The following IVNS1ABP variants were observed in gnomAD, a reference collection of about 807,000 sequenced individuals.
The protein encoded by IVNS1ABP is influenza virus NS1A-binding protein.
IVNS1ABP carries 25 observed loss-of-function variants against 78.9 expected under a neutral mutation model. That is an observed-to-expected ratio of 0.32 (90% confidence interval 0.23 to 0.44). The LOEUF (loss-of-function observed/expected upper bound fraction) is 0.44, where lower values mean the gene tolerates loss of function less well. Among genes scored for constraint, IVNS1ABP ranks in the 20% least tolerant of loss-of-function variants. The probability of loss-of-function intolerance (pLI) is 1.00; values close to 1 mark genes in which losing one functional copy is unlikely to be tolerated. For missense variants in IVNS1ABP, 494 were observed against 768.9 expected, an observed-to-expected ratio of 0.64 and a Z score of 4.23; for synonymous variants, 241 against 259.7, an observed-to-expected ratio of 0.93 and a Z score of 0.69.
Position 185,297,414 on chromosome 1 carries a change from A to G in IVNS1ABP, c.*621T>C, listed in dbSNP as rs1038408085. 3.3e-5 allele frequency: 5 copies of G among 152,462 alleles called. No individual in the cohort carries two copies. In the East Asian group the frequency reaches 9.6e-4, roughly 29 times the overall value. The allele number at this position is 152,462 out of a possible 1,614,324, so 9.4% of individuals were successfully genotyped here. On this transcript the variant is annotated 3_prime_UTR_variant, in exon 15 of 15. Coordinates refer to ENST00000367498, the MANE Select transcript of IVNS1ABP (RefSeq NM_006469.5). ...TTAAAAGACAGACCCCTACTCTGCA[A>G]ACTGAAGACTGCCACTCTGCTTCAA...
At chr1:185,314,487 T>C (rs1220009410) in intron 1 of IVNS1ABP, among the ~76,000 whole-genome samples, 1 of 152,210 alleles carries the variant, frequency 6.6e-6, no homozygotes, top group Non-Finnish European at 1.5e-5. Flanking sequence ...ACTGCAGCTA[T>C]TTCAGTTTCA....
intron 8 of IVNS1ABP, 196 bp from the exon 9 acceptor site, chr1:185,301,759 C>T (rs1665606696): frequency 2.0e-6 from 1 of 490,420 alleles, no homozygotes; most frequent in Admixed American, 3.5e-5. Flanking sequence ...AATGATGAGA[C>T]AACTACGCCT....
rs1008650394 is a variant in IVNS1ABP, at chr1:185,305,110, T to C, written c.765+426A>G. Among the ~76,000 whole-genome samples, 2 of 152,184 alleles carry C rather than the reference T, an allele frequency of 1.3e-5. No individual in the cohort carries two copies. The highest frequency in any genetic ancestry group is 2.9e-5 in the Non-Finnish European group (2 of 68,028). On this transcript the variant is annotated intron_variant, in intron 8 of 14. Transcript: ENST00000367498. This position sits in a 1 kb window ranked among gnomAD's most constrained non-coding sequence, Gnocchi z 4.0. ...TGTATAGTCCATCTTAACTATACCA[T>C]TTCTAATTTCCAGTAAGACAGCTCA...
rs200327685 is a variant in IVNS1ABP at position 185,305,677 on chromosome 1, C to T, written c.658-34G>A. On this transcript the variant is annotated intron_variant, in intron 7 of 14. Transcript: ENST00000367498. This position sits in a 1 kb window ranked among gnomAD's most constrained non-coding sequence, Gnocchi z 4.0. ...CAGCAACAGAACACCCATGTGGCTA[C>T]GGTCACCATGGCTACTCCACTAGTA... 3.8e-5 allele frequency: 62 copies of T among 1,610,638 alleles called. No homozygotes were observed. The highest frequency in any genetic ancestry group is 2.2e-4 in the East Asian group (10 of 44,812).
rs749873431 is a variant in IVNS1ABP at position 185,306,942 on chromosome 1, GA to G, written c.657+71del. 6.6e-6 allele frequency: 10 copies of G among 1,515,904 alleles called. No individual in the cohort carries two copies. In the South Asian group the frequency reaches 1.1e-4, roughly 17 times the overall value. The allele number at this position is 1,515,904 out of a possible 1,614,324, so 93.9% of individuals were successfully genotyped here. On this transcript the variant is annotated intron_variant, in intron 7 of 14. Coordinates refer to ENST00000367498, the MANE Select transcript of IVNS1ABP (RefSeq NM_006469.5). ...AGGGTCATGGTTATAAAATAAAAGT[GA>G]AAGGGAATCCTTCATGTTATAGCAA...
At chr1:185,312,147 T>A (rs1665906244) in intron 1 of IVNS1ABP, among the ~76,000 whole-genome samples, 1 of 152,226 alleles carries the variant, frequency 6.6e-6, no homozygotes. Context: ...CTGATGCCTG[T>A]GCTTTGTATA....
chr1:185,315,969 C>G (rs1279393342), intron 1 of IVNS1ABP, among the ~76,000 whole-genome samples: 2 of 152,150 alleles, frequency 1.3e-5, no homozygotes, highest in Non-Finnish European at 2.9e-5. Flanking sequence ...GAAATGTCAG[C>G]TGTCTCAAAC....
intron 1 of IVNS1ABP, among the ~76,000 whole-genome samples, chr1:185,314,625 A>G (rs1665967310): frequency 1.3e-5 from 2 of 152,210 alleles, no homozygotes; most frequent in Admixed American, 1.3e-4. Flanking sequence ...AGCATAGGGC[A>G]TCCTAGCAGA....
intron 8 of IVNS1ABP, among the ~76,000 whole-genome samples, chr1:185,303,661 C>T (rs888019943): frequency 3.3e-5 from 5 of 151,930 alleles, no homozygotes; most frequent in Non-Finnish European, 7.4e-5. Context: ...AAAATCTATC[C>T]TTTCTCCTTC....
chr1:185,306,874 G>GTT lies in IVNS1ABP; in HGVS notation c.657+138_657+139dup, dbSNP rs1052106453. 2.7e-5 allele frequency: 25 copies of GTT among 912,626 alleles called. No individual in the cohort carries two copies. In the African/African-American group the frequency reaches 3.5e-4, roughly 13 times the overall value. The allele number at this position is 912,626 out of a possible 1,614,324, so 56.5% of individuals were successfully genotyped here. The stretch of plus-strand genomic sequence containing the variant: ...TTCAGCTCACCTGGACACCCCCCCT[G>GTT]TTTCTCAGCTTAGGGGTACCTATAG... On this transcript the variant is annotated intron_variant, in intron 7 of 14. Coordinates refer to ENST00000367498, the MANE Select transcript of IVNS1ABP (RefSeq NM_006469.5).
intron 1 of IVNS1ABP, among the ~76,000 whole-genome samples, chr1:185,316,090 G>A (rs1238101585): frequency 6.6e-6 from 1 of 152,218 alleles, no homozygotes; most frequent in African/African-American, 2.4e-5. Context: ...ATCATCAAGA[G>A]CTTATAATCA....
Position 185,302,191 on chromosome 1 carries a change from A to G in IVNS1ABP, c.766-628T>C, listed in dbSNP as rs1275123948. 6.6e-5 allele frequency among the ~76,000 whole-genome samples: 10 copies of G among 152,170 alleles called. No individual in the cohort carries two copies. The East Asian group carries it at 1.9e-3, about 29-fold the overall frequency. On this transcript the variant is annotated intron_variant, in intron 8 of 14. Transcript: ENST00000367498. The stretch of plus-strand genomic sequence containing the variant: ...ACAAGAAAATAGTAATCAGAAATGA[A>G]ACATTACTAAAAACAACCAAATATT...
At chr1:185,299,537 A>G (rs771646368) in intron 14 of IVNS1ABP, 173 bp downstream of exon 14, 1 of 661,968 alleles carries the variant, frequency 1.5e-6, no homozygotes, top group Non-Finnish European at 2.6e-6. Flanking sequence ...TAAGTCTTTG[A>G]TTAGAAAATA....
At chr1:185,316,815 C>T (rs1338643009) in intron 1 of IVNS1ABP, 138 bp downstream of exon 1, 2 of 392,436 alleles carry the variant, frequency 5.1e-6, no homozygotes, top group Non-Finnish European at 9.0e-6. Context: ...GCGGCGGCCG[C>T]TTGGGGCTGC....
In IVNS1ABP at chr1:185,297,232, C is replaced by A. The variant is rs1458233299; in HGVS notation, c.*803G>T. 1 of 151,856 alleles carries A rather than the reference C, an allele frequency of 6.6e-6. No homozygotes were observed. The highest frequency in any genetic ancestry group is 1.5e-5 in the Non-Finnish European group (1 of 67,944). The allele number at this position is 151,856 out of a possible 1,614,324, so 9.4% of individuals were successfully genotyped here. A position where few individuals can be genotyped will look rare whatever the true frequency, so the allele number is the denominator to read the frequency against. ...TAATGTCTTGCTATATAAAACATAC[C>A]CTCAACAAGTCAAAATATTTAAAAC... On this transcript the variant is annotated 3_prime_UTR_variant, in exon 15 of 15. Coordinates refer to ENST00000367498, the MANE Select transcript of IVNS1ABP (RefSeq NM_006469.5).
intron 3 of IVNS1ABP, 52 bp downstream of exon 3, chr1:185,309,331 A>G (rs927925092): frequency 7.5e-7 from 1 of 1,336,012 alleles, no homozygotes. Context: ...CTAAGAACTT[A>G]TGGCTTTTAG....
intron 6 of IVNS1ABP, 72 bp from the exon 7 acceptor site, chr1:185,307,211 A>T: frequency 6.4e-7 from 1 of 1,552,946 alleles, no homozygotes; most frequent in Non-Finnish European, 8.8e-7. Flanking sequence ...CCAATTTCAT[A>T]ATAAAGTTGT....
At position 185,298,447 on chromosome 1, in the gene IVNS1ABP, C is replaced by T; in HGVS notation, c.1676-159G>A. 1.5e-6 allele frequency: 1 copy of T among 668,038 alleles called. No homozygotes were observed. The highest frequency in any genetic ancestry group is 2.5e-6 in the Non-Finnish European group (1 of 402,866). 41.4% of individuals were successfully genotyped at this position (668,038 alleles called of 1,614,324 possible). On this transcript the variant is annotated intron_variant, in intron 14 of 14. Coordinates refer to ENST00000367498, the MANE Select transcript of IVNS1ABP (RefSeq NM_006469.5). This position sits in a 1 kb window ranked among gnomAD's most constrained non-coding sequence, Gnocchi z 4.1. ...TATTAAATGCCTAATATGACAAATA[C>T]TCTCTAAGAGCTGGGAATCAAATCA...
At chr1:185,299,475 A>C (rs1665508993) in intron 14 of IVNS1ABP, 1 of 522,400 alleles carries the variant, frequency 1.9e-6, no homozygotes, top group Admixed American at 3.2e-5. Flanking sequence ...TTGGAAATTC[A>C]CTCAGTGCAC....
Sources: allele counts gnomAD v4.1 joint callset (sites outside exome capture counted in the v4.1 genomes callset), GRCh38; gene constraint gnomAD v4.1.1; non-coding constraint Gnocchi (gnomAD v3.1); transcripts MANE v1.5; gene names NCBI Gene and HGNC (gene_info 2026-07-23, HGNC 2026-07-21).